Variants in FARS2 observed in about 807,000 individuals in gnomAD.
FARS2 encodes the protein phenylalanyl-tRNA synthetase 2, mitochondrial, also known as phenylalanine--tRNA ligase, mitochondrial.
In FARS2, 40 loss-of-function variants were observed where a neutral mutation model predicts 46.4. The observed-to-expected ratio is 0.86, with a 90% CI of 0.67 to 1.12. The LOEUF is 1.12. Ranked by LOEUF, FARS2 falls within the 50% of genes most tolerant of loss-of-function variation. The probability of loss-of-function intolerance (pLI) is 0.00; values close to 1 mark genes in which losing one functional copy is unlikely to be tolerated. For synonymous variants in FARS2, 234 were observed against 214.9 expected (o/e 1.09, Z -0.78); for missense variants, 513 against 567.9 (o/e 0.90, Z 0.98).
chr6:5,733,064 C>T (rs1760738793), intron 6 of FARS2, among the ~76,000 whole-genome samples: 2 of 152,142 alleles, frequency 1.3e-5, no homozygotes, highest in African/African-American at 4.8e-5. Context: ...TTCCCTTTTC[C>T]CAGAAAGAGG....
Position 5,746,194 on chromosome 6 carries a change from C to T in FARS2, c.1218-25097C>T, listed in dbSNP as rs75804056. On this transcript the variant is annotated intron_variant, in intron 6 of 6. Coordinates refer to ENST00000274680, the MANE Select transcript of FARS2 (RefSeq NM_006567.5). Reference sequence around the variant, plus strand: ...TATCCTTTTACACTGCTGAGACCAACCCAAAGCCAGGCAGGCTTTCCACTA... The same window carrying T: ...TATCCTTTTACACTGCTGAGACCAATCCAAAGCCAGGCAGGCTTTCCACTA... Among the ~76,000 whole-genome samples the T allele has an allele frequency of 1.5e-3, 226 of 152,302 alleles. 1 individual carries two copies. The highest frequency in any genetic ancestry group is 5.1e-3 in the African/African-American group (213 of 41,556).
At chr6:5,510,660 C>A (rs1358803455) in intron 4 of FARS2, among the ~76,000 whole-genome samples, 3 of 152,190 alleles carry the variant, frequency 2.0e-5, no homozygotes. Flanking sequence ...CACTCACCAG[C>A]GCTGGCCGCG....
chr6:5,314,456 T>C (rs1769305353), intron 1 of FARS2, among the ~76,000 whole-genome samples: 3 of 152,176 alleles, frequency 2.0e-5, no homozygotes, highest in African/African-American at 7.2e-5. Context: ...CTACCAGACC[T>C]GCTGAACCAA....
rs567052538 is a variant in FARS2 at position 5,719,167 on chromosome 6, G to A, written c.1218-52124G>A. 5.9e-5 allele frequency among the ~76,000 whole-genome samples: 9 copies of A among 152,210 alleles called. No homozygotes were observed. In the South Asian group the frequency reaches 1.9e-3, roughly 32 times the overall value. On this transcript the variant is annotated intron_variant, in intron 6 of 6. Transcript: ENST00000274680. ...GGAGGCTGAGGCAAGAGGATAGCTTGAGCCCAGGAGTTCAAGACCAGCCCG... is the reference window on the plus strand; with the variant it reads ...GGAGGCTGAGGCAAGAGGATAGCTTAAGCCCAGGAGTTCAAGACCAGCCCG...
At chr6:5,348,029 G>C (rs1757345173) in intron 1 of FARS2, among the ~76,000 whole-genome samples, 1 of 152,024 alleles carries the variant, frequency 6.6e-6, no homozygotes, top group Non-Finnish European at 1.5e-5. Flanking sequence ...TTTTAACTGA[G>C]CTGTTTGTCT....
Position 5,422,583 on chromosome 6 carries a change from G to C in FARS2, c.773-8458G>C, listed in dbSNP as rs537555296. ...TGGCATTTACTCTCTACTGTAAACT[G>C]AGATTAGATACGTGAGCTGTTGCAG... is the stretch of plus-strand genomic sequence containing the variant. On this transcript the variant is annotated intron_variant, in intron 3 of 6. Coordinates refer to ENST00000274680, the MANE Select transcript of FARS2 (RefSeq NM_006567.5). 3.2e-4 allele frequency among the ~76,000 whole-genome samples: 49 copies of C among 152,270 alleles called. 1 individual carries two copies. The highest frequency in any genetic ancestry group is 9.9e-4 in the African/African-American group (41 of 41,542).
At chr6:5,406,618 T>A (rs1761611496) in intron 3 of FARS2, among the ~76,000 whole-genome samples, 1 of 152,186 alleles carries the variant, frequency 6.6e-6, no homozygotes, top group South Asian at 2.1e-4. Flanking sequence ...AGTAGTTGAT[T>A]CCTTTTGTTA....
In FARS2 at chr6:5,420,746, C is replaced by T. The variant is rs147987124; in HGVS notation, c.773-10295C>T. Reference sequence around the variant, plus strand: ...TCCATAGGCTGGTGTTGAGTGTCTGCGGCTTTTCTAGGTGCCTGGTGCAAG... The same window carrying T: ...TCCATAGGCTGGTGTTGAGTGTCTGTGGCTTTTCTAGGTGCCTGGTGCAAG... On this transcript the variant is annotated intron_variant, in intron 3 of 6. Coordinates refer to ENST00000274680, the MANE Select transcript of FARS2 (RefSeq NM_006567.5). Among the ~76,000 whole-genome samples the T allele has an allele frequency of 3.1e-4, 47 of 152,240 alleles. 1 individual carries two copies. Among genetic ancestry groups the T allele is most frequent in the Middle Eastern group, 6.8e-3 (2 of 294 alleles).
At chr6:5,410,879 T>C (rs1346246166) in intron 3 of FARS2, among the ~76,000 whole-genome samples, 1 of 152,204 alleles carries the variant, frequency 6.6e-6, no homozygotes, top group African/African-American at 2.4e-5. Context: ...AAACCATCTC[T>C]ATGATATGGG....
At chr6:5,599,788 ATGAAC>A (rs1197867474) in intron 5 of FARS2, among the ~76,000 whole-genome samples, 1 of 152,208 alleles carries the variant, frequency 6.6e-6, no homozygotes, top group African/African-American at 2.4e-5. Flanking sequence ...GTGAAATATT[ATGAAC>A]TCTGGGCTGA....
At chr6:5,402,029 A>G (rs991435507) in intron 2 of FARS2, among the ~76,000 whole-genome samples, 4 of 151,534 alleles carry the variant, frequency 2.6e-5, no homozygotes, top group Non-Finnish European at 4.4e-5. Flanking sequence ...GACTCCAATT[A>G]TATAAATGTA....
At chr6:5,596,191 G>A (rs114423281) in intron 5 of FARS2, among the ~76,000 whole-genome samples, 95 of 152,308 alleles carry the variant, frequency 6.2e-4, no homozygotes, top group East Asian at 3.1e-3. Flanking sequence ...CAGGGAGGCC[G>A]TCAGGAAGAG....
At chr6:5,550,031 A>G (rs745768641) in intron 5 of FARS2, among the ~76,000 whole-genome samples, 3 of 152,194 alleles carry the variant, frequency 2.0e-5, no homozygotes, top group Non-Finnish European at 2.9e-5. Flanking sequence ...ATTCCTCCCC[A>G]CTTTTGCACC....
At chr6:5,469,416 C>T (rs1002974397) in intron 4 of FARS2, among the ~76,000 whole-genome samples, 1 of 152,210 alleles carries the variant, frequency 6.6e-6, no homozygotes, top group African/African-American at 2.4e-5. Context: ...CTAATCCCTC[C>T]GCTGGATACC....
intron 2 of FARS2, among the ~76,000 whole-genome samples, chr6:5,376,590 A>G (rs1371750737): frequency 6.6e-6 from 1 of 152,224 alleles, no homozygotes; most frequent in African/African-American, 2.4e-5. Flanking sequence ...CTCTGTTTTT[A>G]TATTGAATAC....
chr6:5,296,289 C>T (rs529281255), intron 1 of FARS2, among the ~76,000 whole-genome samples: 7 of 151,642 alleles, frequency 4.6e-5, no homozygotes, highest in African/African-American at 7.3e-5. Flanking sequence ...CTGCAGGTGC[C>T]CATCACCACG....
At chr6:5,390,450 C>T (rs566060555) in intron 2 of FARS2, among the ~76,000 whole-genome samples, 3 of 152,200 alleles carry the variant, frequency 2.0e-5, no homozygotes, top group South Asian at 4.1e-4. Flanking sequence ...ACAGGGACTG[C>T]TCAAGTTCTA....
At chr6:5,619,001 A>G (rs1197267058) in intron 6 of FARS2, among the ~76,000 whole-genome samples, 1 of 152,196 alleles carries the variant, frequency 6.6e-6, no homozygotes, top group African/African-American at 2.4e-5. Flanking sequence ...CATGCACCTT[A>G]AGGAATTATG....
At chr6:5,714,467 T>G (rs895669372) in intron 6 of FARS2, among the ~76,000 whole-genome samples, 1 of 152,188 alleles carries the variant, frequency 6.6e-6, no homozygotes, top group East Asian at 1.9e-4. Context: ...TGTGGCTCAG[T>G]TGGTCTTCTT....
Sources: allele counts gnomAD v4.1 joint callset (sites outside exome capture counted in the v4.1 genomes callset), GRCh38; gene constraint gnomAD v4.1.1; transcripts MANE v1.5; gene names NCBI Gene and HGNC (gene_info 2026-07-23, HGNC 2026-07-21).